MTMR14: variants seen among roughly 807,000 people sequenced by gnomAD.
MTMR14 encodes myotubularin related protein 14.
Under a neutral mutation model 86.3 loss-of-function variants are expected in MTMR14, and 48 were observed. The ratio of observed to expected loss-of-function variants is 0.56; its 90% CI spans 0.44 to 0.71. MTMR14 has a LOEUF of 0.71. MTMR14 is among the 30% of genes least tolerant of loss of function. MTMR14 has a pLI of 0.00. For missense variants in MTMR14, 780 were observed against 834.6 expected (o/e 0.93, Z 0.81); for synonymous variants, 366 against 326.1 (o/e 1.12, Z -1.32).
chr3:9,675,042 C>T (rs1434499634), intron 7 of MTMR14, among the ~76,000 whole-genome samples: 5 of 152,180 alleles, frequency 3.3e-5, no homozygotes, highest in Non-Finnish European at 2.9e-5. Context: ...ACCCAGGAGG[C>T]GGAGGTTGCA....
intron 2 of MTMR14, among the ~76,000 whole-genome samples, chr3:9,661,484 G>T (rs2047928824): frequency 6.6e-6 from 1 of 152,148 alleles, no homozygotes. Context: ...TCCTAATGGG[G>T]CATGGACTCG....
chr3:9,682,335 C>T (rs1408794477), intron 9 of MTMR14, among the ~76,000 whole-genome samples: 6 of 152,186 alleles, frequency 3.9e-5, no homozygotes, highest in South Asian at 2.1e-4. Flanking sequence ...CCCCCTCCCC[C>T]TGGGAAGTGC....
chr3:9,685,923 G>A (rs530893633), intron 13 of MTMR14, among the ~76,000 whole-genome samples: 4 of 152,282 alleles, frequency 2.6e-5, no homozygotes, highest in African/African-American at 9.6e-5. Flanking sequence ...ACCTTGGGTG[G>A]TCTGCTTCAC....
intron 3 of MTMR14, 90 bp downstream of exon 3, chr3:9,662,465 AT>A: frequency 9.5e-7 from 1 of 1,051,698 alleles, no homozygotes; most frequent in Admixed American, 2.0e-5. Context: ...TTCCCTCAAC[AT>A]TAGTAGCCAA....
At chr3:9,679,534 A>G (rs569340209) in intron 9 of MTMR14, among the ~76,000 whole-genome samples, 17 of 152,316 alleles carry the variant, frequency 1.1e-4, no homozygotes, top group African/African-American at 3.8e-4. Context: ...ACTGGTCCCA[A>G]GGATGTTTGC....
chr3:9,694,826 C>T (rs776325131), intron 17 of MTMR14, among the ~76,000 whole-genome samples: 6 of 152,126 alleles, frequency 3.9e-5, no homozygotes, highest in African/African-American at 9.7e-5. Flanking sequence ...AGCAGGGCAT[C>T]GGGGGAGTTG....
chr3:9,689,115 C>G, intron 16 of MTMR14, 33 bp downstream of exon 16: 2 of 1,603,974 alleles, frequency 1.2e-6, no homozygotes, highest in Non-Finnish European at 1.7e-6. Context: ...AGGTCACTCA[C>G]AGCTGTGGCC....
chr3:9,683,499 C>T (rs1316193421), intron 10 of MTMR14: 3 of 484,406 alleles, frequency 6.2e-6, no homozygotes, highest in East Asian at 7.9e-5. Flanking sequence ...TATTTTCACA[C>T]TGTCTCAGCA....
chr3:9,656,709 C>G (rs530375930), intron 2 of MTMR14, among the ~76,000 whole-genome samples: 1 of 152,164 alleles, frequency 6.6e-6, no homozygotes, highest in African/African-American at 2.4e-5. Context: ...TGAGCCACCG[C>G]GCCCAGCTGG....
Position 9,701,899 on chromosome 3 carries a change from G to C in MTMR14, c.1879G>C (p.Gly627Arg). The C allele has an allele frequency of 6.2e-7, 1 of 1,614,180 alleles. No homozygotes were observed. The highest frequency in any genetic ancestry group is 8.5e-7 in the Non-Finnish European group (1 of 1,180,042). ...TCGGGCAGTAGCCCCCAGTCCTTCC[G>C]GTGCCATCGGGGGCCTGCTGGAGCA... ...GLRAVAPSPS[G>R]AIGGLLEQFA... The change falls in exon 19 of 19, where the codon GGT (glycine) becomes CGT (arginine). Residue 627 changes from glycine to arginine, a missense_variant. Transcript: ENST00000296003. This position sits in a 1 kb window ranked among gnomAD's most constrained non-coding sequence, Gnocchi z 4.2.
chr3:9,661,023 C>G (rs1465756714), intron 2 of MTMR14, among the ~76,000 whole-genome samples: 1 of 152,168 alleles, frequency 6.6e-6, no homozygotes, highest in African/African-American at 2.4e-5. Flanking sequence ...GAGCTAACTT[C>G]TAAACCTCAC....
chr3:9,669,908 A>G (rs1256308693), intron 5 of MTMR14, among the ~76,000 whole-genome samples: 2 of 152,330 alleles, frequency 1.3e-5, no homozygotes, highest in South Asian at 2.1e-4. Context: ...CAGTCCATAC[A>G]TAGGAGACAT....
intron 9 of MTMR14, among the ~76,000 whole-genome samples, chr3:9,682,709 G>A (rs931950607): frequency 5.3e-5 from 8 of 152,230 alleles, no homozygotes; most frequent in African/African-American, 1.9e-4. Flanking sequence ...TGAAAAGGTT[G>A]ATGTTTTAGT....
chr3:9,701,688 C>CA lies in MTMR14; in HGVS notation c.1770-101dup. On this transcript the variant is annotated intron_variant, in intron 18 of 18. Transcript: ENST00000296003. This position sits in a 1 kb window ranked among gnomAD's most constrained non-coding sequence, Gnocchi z 4.2. ...AGGACAGACACTGGCCTTGTACAGT[C>CA]AGAAGAAGCACAAGGACAGGTGGTA... 7.4e-7 allele frequency: 1 copy of CA among 1,346,924 alleles called. No individual in the cohort carries two copies. The highest frequency in any genetic ancestry group is 1.0e-6 in the Non-Finnish European group (1 of 961,560). 83.4% of individuals were successfully genotyped at this position (1,346,924 alleles called of 1,614,324 possible).
chr3:9,691,056 G>GT (rs1247116737), intron 17 of MTMR14, among the ~76,000 whole-genome samples: 1 of 152,120 alleles, frequency 6.6e-6, no homozygotes, highest in Non-Finnish European at 1.5e-5. Context: ...CCCCTCTATG[G>GT]TTTTTCCCTC....
At chr3:9,686,925 G>A (rs930601292) in intron 13 of MTMR14, among the ~76,000 whole-genome samples, 1 of 152,184 alleles carries the variant, frequency 6.6e-6, no homozygotes, top group Non-Finnish European at 1.5e-5. Context: ...GTGTGGCTGG[G>A]GTCAGGAGCC....
chr3:9,666,966 C>T (rs1260568676), intron 3 of MTMR14, among the ~76,000 whole-genome samples: 1 of 152,184 alleles, frequency 6.6e-6, no homozygotes, highest in Non-Finnish European at 1.5e-5. Context: ...GGCTGGTTCC[C>T]CACTTGGGGA....
chr3:9,693,652 G>A (rs1218924866), intron 17 of MTMR14, among the ~76,000 whole-genome samples: 3 of 152,160 alleles, frequency 2.0e-5, no homozygotes, highest in Non-Finnish European at 4.4e-5. Context: ...AAAAATAGAG[G>A]GAGGGGCTGT....
chr3:9,701,578 C>T lies in MTMR14; in HGVS notation c.1770-212C>T. On this transcript the variant is annotated intron_variant, in intron 18 of 18. Coordinates refer to ENST00000296003, the MANE Select transcript of MTMR14 (RefSeq NM_001077525.3). This position sits in a 1 kb window ranked among gnomAD's most constrained non-coding sequence, Gnocchi z 4.2. ...TAAAAGCTCCTGCTCTAGGTGGGAA[C>T]AGTAGCCTGAGGGCTTAGAGGAATG... 1.6e-6 allele frequency: 1 copy of T among 625,970 alleles called. No individual in the cohort carries two copies. The highest frequency in any genetic ancestry group is 2.8e-6 in the Non-Finnish European group (1 of 353,350). The allele number at this position is 625,970 out of a possible 1,614,324, so 38.8% of individuals were successfully genotyped here.
Sources: gnomAD v4.1 joint callset for allele counts (sites outside exome capture counted in the v4.1 genomes callset) on GRCh38, gnomAD v4.1.1 for gene constraint, Gnocchi (gnomAD v3.1) non-coding constraint, MANE v1.5 for transcripts, NCBI Gene and HGNC (gene_info 2026-07-23, HGNC 2026-07-21) for gene names.